Variants in ZMAT3 observed in about 807,000 individuals in gnomAD.
ZMAT3 encodes the protein zinc finger matrin-type 3.
A neutral mutation model predicts 32.3 loss-of-function variants in ZMAT3; 17 were observed. The ratio of observed to expected loss-of-function variants is 0.53; its 90% CI spans 0.36 to 0.79. The LOEUF is 0.79. Ranked by LOEUF, ZMAT3 falls within the 30% of genes least tolerant of loss-of-function variation. ZMAT3 has a pLI of 0.00. For missense variants in ZMAT3, 329 were observed against 359.7 expected, an observed-to-expected ratio of 0.91 and a Z score of 0.69; for synonymous variants, 120 against 133.1, an observed-to-expected ratio of 0.90 and a Z score of 0.68.
intron 2 of ZMAT3, among the ~76,000 whole-genome samples, chr3:179,033,476 CAAGA>C: frequency 6.8e-6 from 1 of 147,542 alleles, no homozygotes. Context: ...GAGAAACACC[CAAGA>C]ATGATCAATA....
chr3:179,071,395 G>A (rs1466794139), intron 1 of ZMAT3, 200 bp downstream of exon 1: 4 of 152,416 alleles, frequency 2.6e-5, no homozygotes, highest in Admixed American at 1.3e-4. Flanking sequence ...GGGCAACTGA[G>A]AGGGCCAAGG....
Position 179,059,163 on chromosome 3 carries a change from A to T in ZMAT3, c.270+8320T>A, listed in dbSNP as rs1721021562. Reference sequence around the variant, plus strand: ...GAAATGCCAAGTGGATATTGAAGCCAAAAGAGCTTCAATGCAGGACCCTCC... The same window carrying T: ...GAAATGCCAAGTGGATATTGAAGCCTAAAGAGCTTCAATGCAGGACCCTCC... On this transcript the variant is annotated intron_variant, in intron 2 of 5. Transcript: ENST00000311417. Among the ~76,000 whole-genome samples, 3 of 152,280 alleles carry T rather than the reference A, an allele frequency of 2.0e-5. No homozygotes were observed. In the South Asian group the frequency reaches 6.2e-4, roughly 32 times the overall value.
Position 179,025,134 on chromosome 3 carries a change from A to T in ZMAT3, c.753T>A (p.Cys251Ter). 1 of 1,614,238 alleles carries T rather than the reference A, an allele frequency of 6.2e-7. No individual in the cohort carries two copies. Among genetic ancestry groups the T allele is most frequent in the Non-Finnish European group, 8.5e-7 (1 of 1,180,056 alleles). Residue 251 changes from cysteine (C) to a stop codon, truncating the protein, a stop_gained, in exon 6 of 6, where the codon TGT becomes TGA. Coordinates refer to ENST00000311417, the MANE Select transcript of ZMAT3 (RefSeq NM_022470.4). LOFTEE classifies it high-confidence loss of function. ...CCATCTCTTCGCCAGCTCCAACATT[A>T]CACATTGAGCAGTAAAACTGGCCAC... ...TPSGQFYCSM[C>*]NVGAGEEMEF... is the part of the protein sequence containing the mutation.
intron 2 of ZMAT3, among the ~76,000 whole-genome samples, chr3:179,045,460 A>C (rs531132236): frequency 2.6e-5 from 4 of 152,152 alleles, no homozygotes; most frequent in Admixed American, 1.3e-4. Flanking sequence ...GAAAGTAAAC[A>C]CTCTAGGGCC....
At chr3:179,049,155 G>A (rs1363209213) in intron 2 of ZMAT3, among the ~76,000 whole-genome samples, 2 of 152,158 alleles carry the variant, frequency 1.3e-5, no homozygotes, top group Non-Finnish European at 2.9e-5. Flanking sequence ...CCTAATACTG[G>A]AGCTTCCAAA....
Position 179,046,614 on chromosome 3 carries a change from A to T in ZMAT3, c.271-15615T>A, listed in dbSNP as rs1720253189. Among the ~76,000 whole-genome samples, 1 of 152,150 alleles carries T rather than the reference A, an allele frequency of 6.6e-6. No individual in the cohort carries two copies. The highest frequency in any genetic ancestry group is 2.4e-5 in the African/African-American group (1 of 41,430). On this transcript the variant is annotated intron_variant, in intron 2 of 5. Transcript: ENST00000311417. The surrounding 1 kb of genome is among the most constrained non-coding windows in gnomAD (Gnocchi z 4.3). ...GGCTTGTGGTCTGGGGCAAGTTCTC[A>T]GCCCTGACCACCAGCTGCCTGGAAA...
chr3:179,018,333 A>C lies in ZMAT3; in HGVS notation c.*6684T>G, dbSNP rs1718376715. 6.6e-6 allele frequency: 1 copy of C among 152,166 alleles called. No individual in the cohort carries two copies. Among genetic ancestry groups the C allele is most frequent in the African/African-American group, 2.4e-5 (1 of 41,428 alleles). The allele number at this position is 152,166 out of a possible 1,614,324, so 9.4% of individuals were successfully genotyped here. Reference sequence around the variant, plus strand: ...TCATCAAAATGCAAAAACATCCAATAAATGTTGCATTATTAGTATTCAACA... The same window carrying C: ...TCATCAAAATGCAAAAACATCCAATCAATGTTGCATTATTAGTATTCAACA... On this transcript the variant is annotated 3_prime_UTR_variant, in exon 6 of 6. Transcript: ENST00000311417.
chr3:179,044,814 C>T (rs1023149776), intron 2 of ZMAT3, among the ~76,000 whole-genome samples: 2 of 151,646 alleles, frequency 1.3e-5, no homozygotes, highest in South Asian at 2.1e-4. Flanking sequence ...CTCACTCATA[C>T]GTGGGAATTG....
chr3:179,062,552 A>T (rs1721202267), intron 2 of ZMAT3, among the ~76,000 whole-genome samples: 2 of 152,202 alleles, frequency 1.3e-5, no homozygotes, highest in Admixed American at 1.3e-4. Context: ...TGGCAGGATC[A>T]CAGAGAGCTT....
intron 2 of ZMAT3, among the ~76,000 whole-genome samples, chr3:179,067,100 C>T (rs920826705): frequency 2.6e-5 from 4 of 152,306 alleles, no homozygotes; most frequent in Non-Finnish European, 4.4e-5. Flanking sequence ...GAATTGAGTT[C>T]GGTACATCAT....
At chr3:179,070,655 A>C (rs956869706) in intron 1 of ZMAT3, among the ~76,000 whole-genome samples, 1 of 152,250 alleles carries the variant, frequency 6.6e-6, no homozygotes, top group Middle Eastern at 3.2e-3. Context: ...TTGGTTTAAA[A>C]GGGACTAATT....
chr3:179,045,188 A>G (rs1183567369), intron 2 of ZMAT3, among the ~76,000 whole-genome samples: 1 of 152,196 alleles, frequency 6.6e-6, no homozygotes, highest in African/African-American at 2.4e-5. Flanking sequence ...TGCCCATGAA[A>G]TAAGATAAAA....
At chr3:179,047,117 A>G in intron 2 of ZMAT3, among the ~76,000 whole-genome samples, 1 of 152,130 alleles carries the variant, frequency 6.6e-6, no homozygotes, top group East Asian at 1.9e-4. Flanking sequence ...CTCCCCGGCT[A>G]CCTCCACCAG....
At chr3:179,054,747 C>T (rs1387979908) in intron 2 of ZMAT3, among the ~76,000 whole-genome samples, 1 of 152,174 alleles carries the variant, frequency 6.6e-6, no homozygotes, top group East Asian at 1.9e-4. Flanking sequence ...GCCGCCATCG[C>T]AGACCCGCCG....
In ZMAT3 at chr3:179,018,962, CCT is replaced by C. The variant is rs1718408311; in HGVS notation, c.*6053_*6054del. On this transcript the variant is annotated 3_prime_UTR_variant, in exon 6 of 6. Transcript: ENST00000311417. Reference sequence around the variant, plus strand: ...GGGTTTGACCCTTTACTCCCCTCTACCTTCTGGTAGAGCAGCTGAAAGTAGTG... The same window carrying C: ...GGGTTTGACCCTTTACTCCCCTCTACTCTGGTAGAGCAGCTGAAAGTAGTG... 6.6e-6 allele frequency: 1 copy of C among 152,018 alleles called. No individual in the cohort carries two copies. Among genetic ancestry groups the C allele is most frequent in the African/African-American group, 2.4e-5 (1 of 41,398 alleles). 9.4% of individuals were successfully genotyped at this position (152,018 alleles called of 1,614,324 possible). A position where few individuals can be genotyped will look rare whatever the true frequency, so the allele number is the denominator to read the frequency against.
chr3:179,070,546 A>G (rs866301233), intron 1 of ZMAT3, among the ~76,000 whole-genome samples: 2 of 152,256 alleles, frequency 1.3e-5, no homozygotes, highest in Admixed American at 6.5e-5. Flanking sequence ...AGTATAAAAT[A>G]TAAATCTTAA....
At chr3:179,070,328 G>C (rs1721645609) in intron 1 of ZMAT3, among the ~76,000 whole-genome samples, 1 of 152,212 alleles carries the variant, frequency 6.6e-6, no homozygotes, top group Non-Finnish European at 1.5e-5. Context: ...CCTCCTACCA[G>C]AGGTGACAGT....
At chr3:179,026,705 T>C (rs1221437900) in intron 5 of ZMAT3, among the ~76,000 whole-genome samples, 1 of 152,176 alleles carries the variant, frequency 6.6e-6, no homozygotes, top group Non-Finnish European at 1.5e-5. Context: ...GCTTTCTATA[T>C]GTCCTTTTTT....
chr3:179,066,336 A>C (rs938826011), intron 2 of ZMAT3, among the ~76,000 whole-genome samples: 6 of 152,190 alleles, frequency 3.9e-5, no homozygotes, highest in African/African-American at 1.4e-4. Context: ...GCAAAACAAA[A>C]CCACATAATG....
Sources: allele counts gnomAD v4.1 joint callset (sites outside exome capture counted in the v4.1 genomes callset), GRCh38; gene constraint gnomAD v4.1.1; non-coding constraint Gnocchi (gnomAD v3.1); transcripts MANE v1.5; gene names NCBI Gene and HGNC (gene_info 2026-07-23, HGNC 2026-07-21).